Variants in JAKMIP3 observed in about 807,000 individuals in gnomAD.
The protein encoded by JAKMIP3 is Janus kinase and microtubule interacting protein 3.
In JAKMIP3, 58 loss-of-function variants were observed where a neutral mutation model predicts 118.5. The observed-to-expected ratio is 0.49, with a 90% CI of 0.40 to 0.61. The LOEUF (loss-of-function observed/expected upper bound fraction) is 0.61. Ranked by LOEUF, JAKMIP3 falls within the 20% of genes least tolerant of loss-of-function variation. The pLI is 0.00. For missense variants in JAKMIP3, 950 were observed against 1,109.0 expected (o/e 0.86, Z 2.04); for synonymous variants, 486 against 451.2 (o/e 1.08, Z -0.98).
At chr10:132,069,101 A>G (rs930708875) in intron 1 of JAKMIP3, among the ~76,000 whole-genome samples, 1 of 152,006 alleles carries the variant, frequency 6.6e-6, no homozygotes, top group African/African-American at 2.4e-5. Context: ...CCCAGGCGCC[A>G]TTCTTCCTGG....
rs1564899963 is a variant in JAKMIP3, at chr10:132,103,435, CCTGGGGGAGAGGAGCAG to C, written c.-137-1229_-137-1213del. On this transcript the variant is annotated intron_variant, in intron 1 of 23. Transcript: ENST00000684848. Reference sequence around the variant, plus strand: ...GAGGAGCAGCTGGAGGGGAGGAGCACCTGGGGGAGAGGAGCAGCTGGGGGGGGGAGGAGCAGCTGGAG... The same window carrying C: ...GAGGAGCAGCTGGAGGGGAGGAGCACCTGGGGGGGGGAGGAGCAGCTGGAG... Among the ~76,000 whole-genome samples the C allele has an allele frequency of 2.0e-3, 129 of 64,998 alleles. 2 individuals are homozygous for C. The highest frequency in any genetic ancestry group is 1.0e-2 in the African/African-American group (106 of 10,630). The allele number at this position is 64,998 out of a possible 152,430, so 42.6% of individuals were successfully genotyped here.
At chr10:132,103,761 A>G (rs1564900559) in intron 1 of JAKMIP3, among the ~76,000 whole-genome samples, 2 of 152,032 alleles carry the variant, frequency 1.3e-5, no homozygotes, top group Non-Finnish European at 2.9e-5. Context: ...AGCAGGAGGC[A>G]AGCAGTGGGC....
chr10:132,037,224 G>C (rs575477296), intron 1 of JAKMIP3, among the ~76,000 whole-genome samples: 2 of 152,182 alleles, frequency 1.3e-5, no homozygotes, highest in African/African-American at 4.8e-5. Context: ...GGAGGCGCCG[G>C]CCTGGACAGT....
intron 3 of JAKMIP3, among the ~76,000 whole-genome samples, chr10:132,120,731 G>A (rs1210099189): frequency 6.6e-6 from 1 of 152,150 alleles, no homozygotes; most frequent in East Asian, 1.9e-4. Context: ...GTCCCAATGG[G>A]GCCCCCTTGC....
chr10:132,100,660 T>C (rs574428139), intron 1 of JAKMIP3, among the ~76,000 whole-genome samples: 4 of 152,288 alleles, frequency 2.6e-5, no homozygotes, highest in African/African-American at 9.6e-5. Context: ...AGCAGTGTCC[T>C]TGTGGGGAAA....
chr10:132,181,572 C>T (rs1296210521), intron 23 of JAKMIP3: 1 of 152,206 alleles, frequency 6.6e-6, no homozygotes, highest in Admixed American at 6.5e-5. Flanking sequence ...CGATTAAAGG[C>T]ACAAAGAACA....
At chr10:132,159,369 T>TG (rs2057567477) in intron 19 of JAKMIP3, among the ~76,000 whole-genome samples, 1 of 63,692 alleles carries the variant, frequency 1.6e-5, no homozygotes, top group African/African-American at 5.7e-5. Context: ...TGTGTGATGC[T>TG]GGTTGGGGGG....
intron 1 of JAKMIP3, among the ~76,000 whole-genome samples, chr10:132,053,806 G>A (rs1370651878): frequency 4.6e-5 from 7 of 151,894 alleles, no homozygotes; most frequent in East Asian, 3.9e-4. Context: ...AGGCCGAGGC[G>A]GGCAGATCAC....
upstream of JAKMIP3, among the ~76,000 whole-genome samples, chr10:132,062,189 G>T (rs1037581905): frequency 6.6e-6 from 1 of 152,216 alleles, no homozygotes; most frequent in African/African-American, 2.4e-5. Context: ...CTCAGGAAAT[G>T]CACATTAAAT....
At chr10:132,085,079 G>A (rs921543883) in intron 1 of JAKMIP3, among the ~76,000 whole-genome samples, 1 of 152,102 alleles carries the variant, frequency 6.6e-6, no homozygotes, top group African/African-American at 2.4e-5. Context: ...GGGTGATACT[G>A]GCTTCATAGA....
In JAKMIP3 at chr10:132,122,169, C is replaced by T. The variant is rs185098839; in HGVS notation, c.633+4595C>T. Reference sequence around the variant, plus strand: ...CCCGCAAAGGCCCAGAGTCAGAGGCCTCCCCAGCCCCCCTGGTCGGCTCCC... The same window carrying T: ...CCCGCAAAGGCCCAGAGTCAGAGGCTTCCCCAGCCCCCCTGGTCGGCTCCC... On this transcript the variant is annotated intron_variant, in intron 3 of 23. Transcript: ENST00000684848. 1.6e-3 allele frequency among the ~76,000 whole-genome samples: 241 copies of T among 152,358 alleles called. 1 individual carries two copies. Among genetic ancestry groups the T allele is most frequent in the African/African-American group, 5.6e-3 (233 of 41,580 alleles).
upstream of JAKMIP3, among the ~76,000 whole-genome samples, chr10:132,065,137 C>T (rs2038614265): frequency 6.6e-6 from 1 of 152,140 alleles, no homozygotes; most frequent in Non-Finnish European, 1.5e-5. The surrounding 1 kb of genome is among the most constrained non-coding windows in gnomAD (Gnocchi z 5.6). Context: ...GCACCGGCAG[C>T]CCTCAAGGCT....
chr10:132,146,937 C>T (rs963219504), intron 13 of JAKMIP3, among the ~76,000 whole-genome samples: 2 of 152,248 alleles, frequency 1.3e-5, no homozygotes, highest in African/African-American at 2.4e-5. Context: ...CACGCACACA[C>T]GTAAATGCCT....
At chr10:132,054,444 G>A (rs975288673) in intron 1 of JAKMIP3, among the ~76,000 whole-genome samples, 2 of 152,186 alleles carry the variant, frequency 1.3e-5, no homozygotes, top group African/African-American at 4.8e-5. Context: ...ACCTGCAGGG[G>A]TGCAGGCCAA....
chr10:132,142,069 G>A (rs757178450), intron 11 of JAKMIP3, 21 bp downstream of exon 11: 4 of 1,593,620 alleles, frequency 2.5e-6, no homozygotes, highest in Non-Finnish European at 3.4e-6. Flanking sequence ...CTTCCACCGC[G>A]CGTTCCGGCC....
At chr10:132,142,852 A>T (rs2637623) in intron 11 of JAKMIP3, among the ~76,000 whole-genome samples, 11,399 of 152,228 alleles carry the variant, frequency 0.075, 517 homozygotes, top group Middle Eastern at 0.16. Flanking sequence ...CCCCACCCCA[A>T]AACCACCCTG....
At chr10:132,095,071 C>T (rs2043668209) in intron 1 of JAKMIP3, among the ~76,000 whole-genome samples, 1 of 152,196 alleles carries the variant, frequency 6.6e-6, no homozygotes, top group Non-Finnish European at 1.5e-5. Flanking sequence ...GGTCTCACTC[C>T]CACTGTGTCC....
At position 132,050,576 on chromosome 10, in the gene JAKMIP3, GT is replaced by G. The variant is rs1564851416; in HGVS notation, c.-138+13841del. On this transcript the variant is annotated intron_variant, in intron 1 of 23. Coordinates refer to the JAKMIP3 transcript ENST00000657785. ...ATCTTCAAGTCATGCCAAGGGTGTA[GT>G]TTGGTGAAGGATTTCTTGAGGTTGT... 3.3e-5 allele frequency among the ~76,000 whole-genome samples: 5 copies of G among 152,150 alleles called. 1 individual carries two copies. Among genetic ancestry groups the G allele is most frequent in the African/African-American group, 1.2e-4 (5 of 41,432 alleles).
At chr10:132,041,808 C>T (rs2037762085) in intron 1 of JAKMIP3, among the ~76,000 whole-genome samples, 1 of 152,214 alleles carries the variant, frequency 6.6e-6, no homozygotes, top group Non-Finnish European at 1.5e-5. Flanking sequence ...CAGGCCTCTT[C>T]CATGGCTGCT....
Sources: gnomAD v4.1 joint callset for allele counts (sites outside exome capture counted in the v4.1 genomes callset) on GRCh38, gnomAD v4.1.1 for gene constraint, Gnocchi (gnomAD v3.1) non-coding constraint, MANE v1.5 for transcripts, NCBI Gene and HGNC (gene_info 2026-07-23, HGNC 2026-07-21) for gene names.